The following CADM1 variants were observed in gnomAD, a reference collection of about 807,000 sequenced individuals.
CADM1 encodes TSLC-1.
A neutral mutation model predicts 53.1 loss-of-function variants in CADM1; 15 were observed. That is an observed-to-expected ratio of 0.28 (90% CI 0.19 to 0.44). The LOEUF is 0.44. CADM1 is among the 20% of genes least tolerant of loss of function. The pLI is 1.00. For synonymous variants in CADM1, 281 were observed against 243.0 expected, an observed-to-expected ratio of 1.16 and a Z score of -1.45; for missense variants, 434 against 611.3, an observed-to-expected ratio of 0.71 and a Z score of 3.06.
chr11:115,485,175 TGACTCCC>T (rs930173516), intron 1 of CADM1, among the ~76,000 whole-genome samples: 15 of 152,182 alleles, frequency 9.9e-5, no homozygotes, highest in African/African-American at 3.6e-4. Flanking sequence ...CACCTGGTAC[TGACTCCC>T]TCCTTCTTCC....
intron 1 of CADM1, among the ~76,000 whole-genome samples, chr11:115,426,379 A>C (rs1015039269): frequency 6.6e-6 from 1 of 152,120 alleles, no homozygotes; most frequent in Non-Finnish European, 1.5e-5. Flanking sequence ...AGTCGCTTCC[A>C]TGTCACCCAG....
At chr11:115,502,151 C>G (rs1045248963) in intron 1 of CADM1, among the ~76,000 whole-genome samples, 6 of 152,110 alleles carry the variant, frequency 3.9e-5, no homozygotes, top group Non-Finnish European at 5.9e-5. Flanking sequence ...AAGGCAACTT[C>G]TCACCGCGAG....
chr11:115,326,440 G>A (rs1387657868), intron 1 of CADM1, among the ~76,000 whole-genome samples: 6 of 152,126 alleles, frequency 3.9e-5, no homozygotes, highest in Non-Finnish European at 8.8e-5. Context: ...CCAGACTAAA[G>A]TACAATGTCC....
intron 1 of CADM1, among the ~76,000 whole-genome samples, chr11:115,459,467 CAAGAA>C (rs1430900554): frequency 2.0e-5 from 3 of 152,062 alleles, no homozygotes; most frequent in African/African-American, 2.4e-5. Flanking sequence ...GCCTTTCTCT[CAAGAA>C]AAGAAATGTA....
intron 1 of CADM1, among the ~76,000 whole-genome samples, chr11:115,474,649 G>A (rs139037159): frequency 0.064 from 9,133 of 143,162 alleles, 385 homozygotes; most frequent in South Asian, 0.19. Flanking sequence ...ATTGAACAAT[G>A]AGAACACTTG....
intron 8 of CADM1, among the ~76,000 whole-genome samples, chr11:115,201,111 AAC>A (rs1490406131): frequency 6.6e-6 from 1 of 152,162 alleles, no homozygotes; most frequent in African/African-American, 2.4e-5. Flanking sequence ...GAGAAGAAAA[AAC>A]ACATTCTAAA....
At chr11:115,250,678 T>A (rs1369585773) in intron 1 of CADM1, among the ~76,000 whole-genome samples, 1 of 152,252 alleles carries the variant, frequency 6.6e-6, no homozygotes, top group Non-Finnish European at 1.5e-5. Context: ...ATAGCTAATG[T>A]ATTTTTAAAA....
intron 1 of CADM1, among the ~76,000 whole-genome samples, chr11:115,324,400 C>T (rs1488714921): frequency 6.6e-6 from 1 of 152,134 alleles, no homozygotes; most frequent in Non-Finnish European, 1.5e-5. Context: ...CTCTCTCCAA[C>T]AAACAAAAGA....
At chr11:115,473,380 G>A (rs1949059229) in intron 1 of CADM1, among the ~76,000 whole-genome samples, 1 of 152,052 alleles carries the variant, frequency 6.6e-6, no homozygotes, top group Admixed American at 6.5e-5. Context: ...GTTCACTTGG[G>A]CCCAGGAGTT....
chr11:115,217,780 C>T (rs1223215575), intron 6 of CADM1, 112 bp downstream of exon 6: 4 of 764,268 alleles, frequency 5.2e-6, no homozygotes, highest in Non-Finnish European at 9.7e-6. Context: ...AAAAACCATC[C>T]ATCCTTTGCA....
chr11:115,239,444 C>T (rs767982668), intron 2 of CADM1, among the ~76,000 whole-genome samples: 1 of 152,122 alleles, frequency 6.6e-6, no homozygotes, highest in South Asian at 2.1e-4. Context: ...TACATGTGGG[C>T]CTCTTATTTA....
intron 8 of CADM1, among the ~76,000 whole-genome samples, chr11:115,206,277 T>C (rs552741015): frequency 6.6e-6 from 1 of 152,318 alleles, no homozygotes; most frequent in African/African-American, 2.4e-5. Flanking sequence ...TTCAGTACTT[T>C]AGAGACTACA....
Position 115,174,832 on chromosome 11 carries a change from G to T in CADM1, c.*1642C>A. 1 of 984,598 alleles carries T rather than the reference G, an allele frequency of 1.0e-6. No homozygotes were observed. The highest frequency in any genetic ancestry group is 1.2e-6 in the Non-Finnish European group (1 of 829,136). The allele number at this position is 984,598 out of a possible 1,614,324, so 61.0% of individuals were successfully genotyped here. A position where few individuals can be genotyped will look rare whatever the true frequency, so the allele number is the denominator to read the frequency against. ...GAGTCTGGAGTCTTACCAAACATATGGTAAGAGTTTAGTTTCTGTCCTTCA... is the reference window on the plus strand; with the variant it reads ...GAGTCTGGAGTCTTACCAAACATATTGTAAGAGTTTAGTTTCTGTCCTTCA... On this transcript the variant is annotated 3_prime_UTR_variant, in exon 12 of 12. Coordinates refer to ENST00000331581, the MANE Select transcript of CADM1 (RefSeq NM_001301043.2).
At chr11:115,239,871 A>G (rs1484022316) in intron 2 of CADM1, among the ~76,000 whole-genome samples, 1 of 152,212 alleles carries the variant, frequency 6.6e-6, no homozygotes, top group African/African-American at 2.4e-5. Context: ...GCCAAAGGCT[A>G]TGATGAGAGA....
At chr11:115,304,708 T>G (rs1944318765) in intron 1 of CADM1, among the ~76,000 whole-genome samples, 1 of 152,006 alleles carries the variant, frequency 6.6e-6, no homozygotes, top group African/African-American at 2.4e-5. Context: ...TAAAATTGTG[T>G]AAGATAAAAC....
At chr11:115,371,228 T>A (rs1591755749) in intron 1 of CADM1, among the ~76,000 whole-genome samples, 1 of 152,286 alleles carries the variant, frequency 6.6e-6, no homozygotes, top group East Asian at 1.9e-4. Flanking sequence ...TAAACAATAA[T>A]AATGTATTGT....
rs1938966429 is a variant in CADM1 at position 115,175,181 on chromosome 11, G to A, written c.*1293C>T. 1 of 985,736 alleles carries A rather than the reference G, an allele frequency of 1.0e-6. No homozygotes were observed. The highest frequency in any genetic ancestry group is 1.2e-6 in the Non-Finnish European group (1 of 829,892). The allele number at this position is 985,736 out of a possible 1,614,324, so 61.1% of individuals were successfully genotyped here. ...TTTTCCACCTCTGCTCTGACCTATC[G>A]AGAACTGAGAGCGACAGCAGACCAG... On this transcript the variant is annotated 3_prime_UTR_variant, in exon 12 of 12. Transcript: ENST00000331581.
At chr11:115,377,081 T>C (rs1946457262) in intron 1 of CADM1, 1 of 152,182 alleles carries the variant, frequency 6.6e-6, no homozygotes, top group South Asian at 2.1e-4. Context: ...TCCAGGGACA[T>C]ACAGGTAATT....
At chr11:115,261,807 TCTCA>T (rs1489259214) in intron 1 of CADM1, among the ~76,000 whole-genome samples, 1 of 150,932 alleles carries the variant, frequency 6.6e-6, no homozygotes, top group Non-Finnish European at 1.5e-5. Context: ...TTTGACAGAG[TCTCA>T]CTCTGTTGCC....
Sources: allele counts gnomAD v4.1 joint callset (sites outside exome capture counted in the v4.1 genomes callset), GRCh38; gene constraint gnomAD v4.1.1; transcripts MANE v1.5; gene names NCBI Gene and HGNC (gene_info 2026-07-23, HGNC 2026-07-21).